LRP6: variants seen among roughly 807,000 people sequenced by gnomAD.
LRP6 encodes the protein low-density lipoprotein receptor-related protein 6.
Under a neutral mutation model 184.1 loss-of-function variants are expected in LRP6, and 43 were observed. The observed-to-expected ratio is 0.23, with a 90% CI of 0.18 to 0.30. The LOEUF is 0.30. Among genes scored for constraint, LRP6 ranks in the 10% least tolerant of loss-of-function variants. LRP6 has a pLI of 1.00. For synonymous variants in LRP6, 719 were observed against 684.9 expected (o/e 1.05, Z -0.78); for missense variants, 1,571 against 2,005.3 (o/e 0.78, Z 4.14).
Position 12,147,624 on chromosome 12 carries a change from T to C in LRP6, c.3207-68A>G. The C allele has an allele frequency of 8.4e-7, 1 of 1,195,456 alleles. No individual in the cohort carries two copies. The highest frequency in any genetic ancestry group is 1.2e-6 in the Non-Finnish European group (1 of 807,762). 74.1% of individuals were successfully genotyped at this position (1,195,456 alleles called of 1,614,324 possible). A position where few individuals can be genotyped will look rare whatever the true frequency, so the allele number is the denominator to read the frequency against. On this transcript the variant is annotated intron_variant, in intron 14 of 22. Transcript: ENST00000261349. ...ACCACATAAAATGAGGATATTCTTA[T>C]TAAGACAAATGGAGGTAGAGTATTT... is the stretch of plus-strand genomic sequence containing the variant.
chr12:12,180,896 C>A, intron 6 of LRP6, 147 bp downstream of exon 6: 1 of 821,484 alleles, frequency 1.2e-6, no homozygotes, highest in Non-Finnish European at 2.0e-6. Context: ...AGATTGTATT[C>A]TAATCACCAT....
chr12:12,165,669 T>TTTA, intron 7 of LRP6, among the ~76,000 whole-genome samples: 1 of 152,332 alleles, frequency 6.6e-6, no homozygotes, highest in Non-Finnish European at 1.5e-5. Flanking sequence ...TATATTTTGT[T>TTTA]TTATAACATC....
chr12:12,127,444 G>C (rs999159548), intron 19 of LRP6, among the ~76,000 whole-genome samples: 5 of 152,172 alleles, frequency 3.3e-5, no homozygotes, highest in African/African-American at 1.2e-4. Context: ...ATTTAGGCCT[G>C]ATGAATGAAA....
chr12:12,177,561 T>C (rs1037090891), intron 7 of LRP6, among the ~76,000 whole-genome samples: 1 of 152,152 alleles, frequency 6.6e-6, no homozygotes, highest in Non-Finnish European at 1.5e-5. Flanking sequence ...AGCTGCACTC[T>C]TTCTTTAGTT....
intron 19 of LRP6, 150 bp from the exon 20 acceptor site, chr12:12,127,071 T>G (rs997174355): frequency 2.9e-6 from 2 of 689,612 alleles, no homozygotes; most frequent in Non-Finnish European, 5.2e-6. Flanking sequence ...AGTACATACA[T>G]ACCACGCCCT....
At chr12:12,151,333 T>C (rs944399612) in intron 12 of LRP6, among the ~76,000 whole-genome samples, 7 of 151,868 alleles carry the variant, frequency 4.6e-5, no homozygotes, top group African/African-American at 1.7e-4. Flanking sequence ...CATCAGGTAT[T>C]TGATATACAA....
At chr12:12,129,510 A>G (rs935431432) in intron 19 of LRP6, among the ~76,000 whole-genome samples, 13 of 152,048 alleles carry the variant, frequency 8.5e-5, no homozygotes, top group South Asian at 2.1e-4. Context: ...AATTTCTCCA[A>G]TTATCTACAT....
intron 1 of LRP6, 21 bp from the exon 2 acceptor site, chr12:12,244,676 T>C: frequency 6.2e-7 from 1 of 1,612,254 alleles, no homozygotes; most frequent in East Asian, 2.2e-5. Flanking sequence ...AAAAGAAAAA[T>C]ATGTAAGTGA....
chr12:12,124,396 C>T (rs765998381), intron 22 of LRP6, among the ~76,000 whole-genome samples, 169 bp downstream of exon 22: 24 of 152,038 alleles, frequency 1.6e-4, no homozygotes, highest in Middle Eastern at 3.4e-3. Flanking sequence ...AAAAGTATAA[C>T]GTCCTGAAAG....
chr12:12,130,519 G>T (rs12311202), intron 19 of LRP6, among the ~76,000 whole-genome samples: 10 of 152,184 alleles, frequency 6.6e-5, no homozygotes, highest in Non-Finnish European at 1.3e-4. Flanking sequence ...TGAGAATTTT[G>T]TAACTTTGGT....
chr12:12,173,170 C>T (rs1262668042), intron 7 of LRP6, among the ~76,000 whole-genome samples: 1 of 152,114 alleles, frequency 6.6e-6, no homozygotes, highest in East Asian at 1.9e-4. Flanking sequence ...CAGATGAAGG[C>T]ATCATGATGA....
chr12:12,139,115 T>C (rs1360801077), intron 15 of LRP6: 1 of 758,814 alleles, frequency 1.3e-6, no homozygotes, highest in Non-Finnish European at 1.8e-6. Flanking sequence ...CACCCTGCTT[T>C]ATTCAGTTTC....
intron 2 of LRP6, among the ~76,000 whole-genome samples, chr12:12,225,440 C>G (rs1864596544): frequency 6.6e-6 from 1 of 152,176 alleles, no homozygotes; most frequent in Admixed American, 6.5e-5. Flanking sequence ...AACCTCTCTA[C>G]AGGAGCCAGC....
rs142062670 is a variant in LRP6, at chr12:12,180,783, C to G, written c.1373+260G>C. ...TTTCATGGTAATGATGCAATCCGAG[C>G]AAAATCTGCAGACAACACCCAAAGT... On this transcript the variant is annotated intron_variant, in intron 6 of 22. Coordinates refer to ENST00000261349, the MANE Select transcript of LRP6 (RefSeq NM_002336.3). Among the ~76,000 whole-genome samples, 6 of 152,190 alleles carry G rather than the reference C, an allele frequency of 3.9e-5. No individual in the cohort carries two copies. The South Asian group carries it at 6.2e-4, about 16-fold the overall frequency.
intron 2 of LRP6, among the ~76,000 whole-genome samples, chr12:12,207,520 A>T (rs1864095182): frequency 6.6e-6 from 1 of 151,936 alleles, no homozygotes; most frequent in South Asian, 2.1e-4. Flanking sequence ...TCCGTCAAAA[A>T]AATAATAATA....
intron 2 of LRP6, among the ~76,000 whole-genome samples, chr12:12,232,978 C>A (rs1046601583): frequency 6.6e-6 from 1 of 152,116 alleles, no homozygotes; most frequent in Non-Finnish European, 1.5e-5. Flanking sequence ...AAAATCTGAC[C>A]ATCTGAACCT....
intron 1 of LRP6, among the ~76,000 whole-genome samples, chr12:12,262,306 G>A (rs1459789301): frequency 1.3e-5 from 2 of 152,176 alleles, no homozygotes; most frequent in African/African-American, 2.4e-5. Flanking sequence ...TTGAACCCAG[G>A]AGGGAGAGGT....
intron 15 of LRP6, among the ~76,000 whole-genome samples, chr12:12,142,506 A>G (rs1438483239): frequency 7.2e-5 from 11 of 152,156 alleles, no homozygotes; most frequent in Admixed American, 6.5e-4. Flanking sequence ...ACGAAATAGA[A>G]AAAGGTCCCA....
chr12:12,167,002 A>G (rs34143386), intron 7 of LRP6, among the ~76,000 whole-genome samples: 34,860 of 152,024 alleles, frequency 0.23, 4,785 homozygotes, highest in African/African-American at 0.38. Flanking sequence ...GGGAGGCTAA[A>G]GCAGGCAGAT....
Sources: gnomAD v4.1 joint callset for allele counts (sites outside exome capture counted in the v4.1 genomes callset) on GRCh38, gnomAD v4.1.1 for gene constraint, MANE v1.5 for transcripts, NCBI Gene and HGNC (gene_info 2026-07-23, HGNC 2026-07-21) for gene names.